MDGA2: variants seen among roughly 807,000 people sequenced by gnomAD.
The protein encoded by MDGA2 is MAM domain-containing glycosylphosphatidylinositol anchor protein 2.
Under a neutral mutation model 117.8 loss-of-function variants are expected in MDGA2, and 40 were observed. The ratio of observed to expected loss-of-function variants is 0.34; its 90% confidence interval spans 0.26 to 0.44. The LOEUF (loss-of-function observed/expected upper bound fraction) is 0.44, where lower values mean the gene tolerates loss of function less well. Ranked by LOEUF, MDGA2 falls within the 20% of genes least tolerant of loss-of-function variation. MDGA2 has a pLI of 1.00. For missense variants in MDGA2, 1,123 were observed against 1,250.6 expected (o/e 0.90, Z 1.54); for synonymous variants, 452 against 439.0 (o/e 1.03, Z -0.37).
intron 3 of MDGA2, among the ~76,000 whole-genome samples, chr14:47,189,733 T>C (rs1238416676): frequency 6.6e-6 from 1 of 152,172 alleles, no homozygotes; most frequent in Middle Eastern, 3.2e-3. Flanking sequence ...TTTAAATTAT[T>C]AATGTGACAG....
chr14:47,011,300 C>T (rs1025069748), intron 8 of MDGA2, among the ~76,000 whole-genome samples: 3 of 151,980 alleles, frequency 2.0e-5, no homozygotes, highest in Non-Finnish European at 4.4e-5. Context: ...TTACATAAAT[C>T]TGTGGTTGGC....
chr14:47,208,789 A>T (rs768332359), intron 3 of MDGA2, among the ~76,000 whole-genome samples: 9 of 151,886 alleles, frequency 5.9e-5, no homozygotes, highest in Non-Finnish European at 1.2e-4. Flanking sequence ...ACTTCTTTTA[A>T]ATGACCAAAT....
intron 1 of MDGA2, among the ~76,000 whole-genome samples, chr14:47,567,576 A>G (rs548291426): frequency 1.3e-5 from 2 of 152,322 alleles, no homozygotes; most frequent in African/African-American, 4.8e-5. Flanking sequence ...TAAGTCTTCC[A>G]TTATGAGATC....
At chr14:47,007,295 A>G (rs2138516855) in intron 8 of MDGA2, among the ~76,000 whole-genome samples, 1 of 151,954 alleles carries the variant, frequency 6.6e-6, no homozygotes, top group South Asian at 2.1e-4. Flanking sequence ...AAATCCAAAC[A>G]TTCAGTCATA....
Position 47,061,541 on chromosome 14 carries a change from A to G in MDGA2, c.1233T>C (p.Pro411=). The G allele has an allele frequency of 6.2e-7, 1 of 1,613,254 alleles. No individual in the cohort carries two copies. The highest frequency in any genetic ancestry group is 1.1e-5 in the South Asian group (1 of 91,062). The change falls in exon 7 of 17, where the codon CCT becomes CCC. Residue 411 remains proline (P), a synonymous_variant. Transcript: ENST00000399232. Reference sequence around the variant, plus strand: ...TCTGGATGTTGTCATCTTTGTGATAAGGATCTGGTGTGATCCAAAATCGTC... The same window carrying G: ...TCTGGATGTTGTCATCTTTGTGATAGGGATCTGGTGTGATCCAAAATCGTC... ...KKGRFWITPD[P]YHKDDNIQIG... is the part of the protein sequence containing the mutation.
At chr14:46,904,046 T>C (rs1434704604) in intron 10 of MDGA2, among the ~76,000 whole-genome samples, 2 of 152,096 alleles carry the variant, frequency 1.3e-5, no homozygotes, top group African/African-American at 4.8e-5. Context: ...ATCCATTTGT[T>C]ACTGAAAGGA....
intron 1 of MDGA2, among the ~76,000 whole-genome samples, chr14:47,640,580 C>T (rs1017261542): frequency 6.6e-6 from 1 of 151,948 alleles, no homozygotes; most frequent in Non-Finnish European, 1.5e-5. Context: ...CATAAAAGCC[C>T]CAAATGTTAA....
At chr14:47,171,100 T>C (rs1393750466) in intron 3 of MDGA2, among the ~76,000 whole-genome samples, 4 of 152,162 alleles carry the variant, frequency 2.6e-5, no homozygotes, top group Non-Finnish European at 4.4e-5. Flanking sequence ...ACCCCAAGGA[T>C]AATTAAGGCA....
intron 1 of MDGA2, among the ~76,000 whole-genome samples, chr14:47,574,772 C>T (rs1016753002): frequency 6.6e-6 from 1 of 152,150 alleles, no homozygotes; most frequent in African/African-American, 2.4e-5. Flanking sequence ...ACTGTTAGCT[C>T]TGTTTACAGA....
chr14:46,883,980 G>A (rs542580451), intron 10 of MDGA2, among the ~76,000 whole-genome samples: 21 of 151,852 alleles, frequency 1.4e-4, no homozygotes, highest in African/African-American at 5.1e-4. Flanking sequence ...CTTTTTCATG[G>A]GGCTTTTCTC....
chr14:47,130,357 C>T (rs891558155), intron 5 of MDGA2, among the ~76,000 whole-genome samples: 5 of 152,014 alleles, frequency 3.3e-5, no homozygotes, highest in Admixed American at 3.3e-4. Context: ...GGAATCCTTT[C>T]CCCCATTGCT....
chr14:47,450,699 G>A (rs572465678), intron 1 of MDGA2, among the ~76,000 whole-genome samples: 4 of 151,866 alleles, frequency 2.6e-5, no homozygotes, highest in South Asian at 2.1e-4. Flanking sequence ...TTATAATAAC[G>A]GGGAAAAAAG....
intron 1 of MDGA2, among the ~76,000 whole-genome samples, chr14:47,481,092 G>A (rs1893945388): frequency 6.6e-6 from 1 of 151,876 alleles, no homozygotes; most frequent in Non-Finnish European, 1.5e-5. Flanking sequence ...CATTGCCACA[G>A]CAAATACGAG....
At position 47,378,741 on chromosome 14, in the gene MDGA2, T is replaced by C. The variant is rs1331650890; in HGVS notation, c.281-77191A>G. Among the ~76,000 whole-genome samples, 4 of 152,326 alleles carry C rather than the reference T, an allele frequency of 2.6e-5. No individual in the cohort carries two copies. The East Asian group carries it at 5.8e-4, about 22-fold the overall frequency. On this transcript the variant is annotated intron_variant, in intron 1 of 16. Transcript: ENST00000399232. ...GTGAAAAGACCAAATCTACGTCTGATTGGTGTACATTAAAGTGGCAAAGAG... is the reference window on the plus strand; with the variant it reads ...GTGAAAAGACCAAATCTACGTCTGACTGGTGTACATTAAAGTGGCAAAGAG...
rs560252421 is a variant in MDGA2, at chr14:46,887,204, G to A, written c.2239-4983C>T. Among the ~76,000 whole-genome samples the A allele has an allele frequency of 6.6e-5, 10 of 151,958 alleles. No homozygotes were observed. The South Asian group carries it at 1.7e-3, about 25-fold the overall frequency. On this transcript the variant is annotated intron_variant, in intron 10 of 16. Transcript: ENST00000399232. ...ATACATCTATTAGTCTTTACCATGT[G>A]CCACTATTTTAACTGTCTTATACCT...
chr14:47,093,870 C>T (rs1336342252), intron 6 of MDGA2, among the ~76,000 whole-genome samples: 2 of 151,996 alleles, frequency 1.3e-5, no homozygotes, highest in Non-Finnish European at 2.9e-5. Context: ...TATCTTTATG[C>T]TTACTCAGAA....
In MDGA2 at chr14:47,675,372, A is replaced by C. The variant is rs1898165351; in HGVS notation, c.-576T>G. Among the ~76,000 whole-genome samples the C allele has an allele frequency of 6.2e-5, 9 of 144,114 alleles. No homozygotes were observed. Among genetic ancestry groups the C allele is most frequent in the Admixed American group, 6.9e-5 (1 of 14,558 alleles). The allele number at this position is 144,114 out of a possible 152,430, so 94.5% of individuals were successfully genotyped here. A position where few individuals can be genotyped will look rare whatever the true frequency, so the allele number is the denominator to read the frequency against. ...GAAGAGGAGGAGTGGGGCTAGGGGA[A>C]CGGGGGTGGGGAAGAGGGAAGGGAG... On this transcript the variant is annotated 5_prime_UTR_variant, in exon 1 of 17. Transcript: ENST00000399232.
chr14:47,473,242 T>A (rs1893766316), intron 1 of MDGA2, among the ~76,000 whole-genome samples: 1 of 152,178 alleles, frequency 6.6e-6, no homozygotes, highest in African/African-American at 2.4e-5. Context: ...GCTCTGTGGT[T>A]CTAATTCCAC....
intron 1 of MDGA2, among the ~76,000 whole-genome samples, chr14:47,459,623 G>GT (rs144427654): frequency 5.9e-4 from 88 of 149,758 alleles, no homozygotes; most frequent in Non-Finnish European, 9.3e-4. Context: ...GCAGGTGTGG[G>GT]TTTTTTTTAT....
Sources: allele counts gnomAD v4.1 joint callset (sites outside exome capture counted in the v4.1 genomes callset), GRCh38; gene constraint gnomAD v4.1.1; transcripts MANE v1.5; gene names NCBI Gene and HGNC (gene_info 2026-07-23, HGNC 2026-07-21).